The following NCEH1 variants were observed in gnomAD, a reference collection of about 807,000 sequenced individuals.
NCEH1 encodes neutral cholesterol ester hydrolase 1, also known as 2-acetyl MAGE hydrolase.
Under a neutral mutation model 25.4 loss-of-function variants are expected in NCEH1, and 9 were observed. The observed-to-expected ratio is 0.35, with a 90% CI of 0.21 to 0.62. The LOEUF is 0.62. Ranked by LOEUF, NCEH1 falls within the 20% of genes least tolerant of loss-of-function variation. The probability of loss-of-function intolerance (pLI) is 0.72; values close to 1 mark genes in which losing one functional copy is unlikely to be tolerated. For missense variants in NCEH1, 412 were observed against 501.1 expected (o/e 0.82, Z 1.70); for synonymous variants, 200 against 199.8 (o/e 1.00, Z -0.01).
rs1716349580 is a variant in NCEH1, at chr3:172,631,471, A to G, written c.*2004T>C. On this transcript the variant is annotated 3_prime_UTR_variant, in exon 5 of 5. Coordinates refer to ENST00000475381, the MANE Select transcript of NCEH1 (RefSeq NM_020792.6). ...CTACCAAAAAAACCACCACATAAGG[A>G]GAGGCCAATATAATTTGCCAGTCTG... is the stretch of plus-strand genomic sequence containing the variant. 2 of 152,582 alleles carry G rather than the reference A, an allele frequency of 1.3e-5. No homozygotes were observed. The highest frequency in any genetic ancestry group is 4.8e-5 in the African/African-American group (2 of 41,416). 9.5% of individuals were successfully genotyped at this position (152,582 alleles called of 1,614,324 possible).
At chr3:172,687,193 C>T (rs917293617) in intron 1 of NCEH1, among the ~76,000 whole-genome samples, 1 of 152,142 alleles carries the variant, frequency 6.6e-6, no homozygotes, top group African/African-American at 2.4e-5. Context: ...CTCTATCACC[C>T]ATGCCACCCG....
At chr3:172,655,375 T>C (rs17756312) in intron 1 of NCEH1, among the ~76,000 whole-genome samples, 29,571 of 152,200 alleles carry the variant, frequency 0.19, 2,948 homozygotes, top group African/African-American at 0.22. Context: ...GGTGGCGCAC[T>C]GGCTCTGTAC....
intron 1 of NCEH1, among the ~76,000 whole-genome samples, chr3:172,662,188 A>G (rs1259219358): frequency 6.6e-6 from 1 of 152,150 alleles, no homozygotes; most frequent in Non-Finnish European, 1.5e-5. Context: ...AGGCTGTTGA[A>G]TTTTGTCAAA....
chr3:172,638,824 C>T (rs1716719822), intron 3 of NCEH1, among the ~76,000 whole-genome samples: 1 of 152,156 alleles, frequency 6.6e-6, no homozygotes, highest in Non-Finnish European at 1.5e-5. Context: ...AAAAAACATG[C>T]TACTGCTCAA....
intron 3 of NCEH1, among the ~76,000 whole-genome samples, chr3:172,645,157 AAATATT>A (rs1179128154): frequency 6.6e-6 from 1 of 152,150 alleles, no homozygotes; most frequent in African/African-American, 2.4e-5. Flanking sequence ...AGACAACCCA[AAATATT>A]AATATTACTA....
At chr3:172,656,647 T>G (rs1307090532) in intron 1 of NCEH1, among the ~76,000 whole-genome samples, 3 of 152,026 alleles carry the variant, frequency 2.0e-5, no homozygotes, top group Admixed American at 6.6e-5. Flanking sequence ...GCGCCTGTAA[T>G]CCCAGCTACT....
In NCEH1 at chr3:172,634,192, A is replaced by G. The variant is rs968512416; in HGVS notation, c.610-100T>C. ...CTTCATGTGTTACTCTGAATCTGTC[A>G]ATGGTATAAGTGTTACATTTCTACC... On this transcript the variant is annotated intron_variant, in intron 4 of 4. Coordinates refer to ENST00000475381, the MANE Select transcript of NCEH1 (RefSeq NM_020792.6). The G allele has an allele frequency of 8.7e-6, 10 of 1,148,192 alleles. No individual in the cohort carries two copies. In the South Asian group the frequency reaches 1.5e-4, roughly 17 times the overall value. The allele number at this position is 1,148,192 out of a possible 1,614,324, so 71.1% of individuals were successfully genotyped here.
At position 172,636,069 on chromosome 3, in the gene NCEH1, C is replaced by T. The variant is rs1218007445; in HGVS notation, c.456G>A (p.Lys152=). The T allele has an allele frequency of 3.7e-6, 6 of 1,613,730 alleles. No individual in the cohort carries two copies. In the African/African-American group the frequency reaches 6.7e-5, roughly 18 times the overall value. Residue 152 remains lysine, a synonymous_variant, in exon 4 of 5, where the codon AAG becomes AAA. Coordinates refer to ENST00000475381, the MANE Select transcript of NCEH1 (RefSeq NM_020792.6). ...IVSIEYRLVP[K]VYFPEQIHDV... The stretch of plus-strand genomic sequence containing the variant: ...CATGAATTTGCTCAGGAAAATAAAC[C>T]TTTGGAACTAGCCTGTATCTGTAAA...
chr3:172,636,138 A>G (rs1716589519), intron 3 of NCEH1, 51 bp from the exon 4 acceptor site: 4 of 1,357,458 alleles, frequency 2.9e-6, no homozygotes, highest in East Asian at 2.3e-5. Context: ...ATTTTGGGGG[A>G]CATTTAAAGT....
At position 172,633,383 on chromosome 3, in the gene NCEH1, G is replaced by C. The variant is rs576239909; in HGVS notation, c.*92C>G. 5.0e-6 allele frequency: 6 copies of C among 1,192,144 alleles called. No homozygotes were observed. The African/African-American group carries it at 6.1e-5, about 12-fold the overall frequency. The allele number at this position is 1,192,144 out of a possible 1,614,324, so 73.8% of individuals were successfully genotyped here. A position where few individuals can be genotyped will look rare whatever the true frequency, so the allele number is the denominator to read the frequency against. ...ATAACTCGCAAGTAGAGGGGAATGG[G>C]AGGAAGAATTAGTCAACTAAAAAGT... On this transcript the variant is annotated 3_prime_UTR_variant, in exon 5 of 5. Transcript: ENST00000475381.
intron 1 of NCEH1, among the ~76,000 whole-genome samples, chr3:172,682,894 C>T (rs1712466746): frequency 6.6e-6 from 1 of 152,198 alleles, no homozygotes; most frequent in Non-Finnish European, 1.5e-5. Flanking sequence ...TAGAACATTG[C>T]TGTGAAAATT....
In NCEH1 at chr3:172,711,042, G is replaced by A. The variant is rs761027763; in HGVS notation, c.-58C>T. The stretch of plus-strand genomic sequence containing the variant: ...AAAGAGGAAAGGGCGATACCACCCG[G>A]AGACCTCCGGCAACTTTCTGCCCGC... On this transcript the variant is annotated 5_prime_UTR_variant, in exon 1 of 5. Transcript: ENST00000475381. 52 of 1,611,408 alleles carry A rather than the reference G, an allele frequency of 3.2e-5. 2 individuals are homozygous for A. The South Asian group carries it at 4.6e-4, about 14-fold the overall frequency.
chr3:172,653,760 G>GTTTGTTTTTTTTTTTTT (rs1553830377), intron 1 of NCEH1, among the ~76,000 whole-genome samples: 1 of 54,418 alleles, frequency 1.8e-5, no homozygotes, highest in African/African-American at 5.4e-5. Context: ...TTGTTTTTTT[G>GTTTGTTTTTTTTTTTTT]TTTTTTTTTT....
intron 1 of NCEH1, among the ~76,000 whole-genome samples, chr3:172,675,108 G>A (rs1236321606): frequency 6.6e-6 from 1 of 152,076 alleles, no homozygotes; most frequent in African/African-American, 2.4e-5. Context: ...TCAGGAGTTC[G>A]AGACCAGCCT....
In NCEH1 at chr3:172,692,338, A is replaced by G. The variant is rs1576775218; in HGVS notation, c.138+18509T>C. Reference sequence around the variant, plus strand: ...ATGCTACTGTAAGGTTCGTAATGGAATATTTTTATTTTTCTTTCTCTCTTT... The same window carrying G: ...ATGCTACTGTAAGGTTCGTAATGGAGTATTTTTATTTTTCTTTCTCTCTTT... On this transcript the variant is annotated intron_variant, in intron 1 of 4. Coordinates refer to ENST00000475381, the MANE Select transcript of NCEH1 (RefSeq NM_020792.6). Among the ~76,000 whole-genome samples, 5 of 152,180 alleles carry G rather than the reference A, an allele frequency of 3.3e-5. No individual in the cohort carries two copies. In the South Asian group the frequency reaches 1.0e-3, roughly 32 times the overall value.
intron 1 of NCEH1, among the ~76,000 whole-genome samples, chr3:172,683,611 G>C (rs1289235668): frequency 7.2e-6 from 1 of 138,718 alleles, no homozygotes; most frequent in Non-Finnish European, 1.5e-5. Flanking sequence ...ACTGGAGGTT[G>C]AAGTTATAGT....
At chr3:172,641,668 G>C (rs1716859588) in intron 3 of NCEH1, among the ~76,000 whole-genome samples, 1 of 152,162 alleles carries the variant, frequency 6.6e-6, no homozygotes, top group African/African-American at 2.4e-5. Context: ...AAAGACTCTT[G>C]GAATCATCCA....
chr3:172,684,771 A>G (rs1260677102), intron 1 of NCEH1, among the ~76,000 whole-genome samples: 1 of 152,046 alleles, frequency 6.6e-6, no homozygotes, highest in East Asian at 1.9e-4. Context: ...ACTTAAGGTC[A>G]GGAGTTTGAC....
chr3:172,673,145 G>A (rs1047473058), intron 1 of NCEH1, among the ~76,000 whole-genome samples: 4 of 152,096 alleles, frequency 2.6e-5, no homozygotes, highest in Admixed American at 2.6e-4. Context: ...AACTATAAGG[G>A]GCATTTCAAG....
Sources: gnomAD v4.1 joint callset for allele counts (sites outside exome capture counted in the v4.1 genomes callset) on GRCh38, gnomAD v4.1.1 for gene constraint, MANE v1.5 for transcripts, NCBI Gene and HGNC (gene_info 2026-07-23, HGNC 2026-07-21) for gene names.